CPNE9: variants seen among roughly 807,000 people sequenced by gnomAD.
CPNE9 encodes copine-9.
Under a neutral mutation model 83.0 loss-of-function variants are expected in CPNE9, and 59 were observed. That is an observed-to-expected ratio of 0.71 (90% CI 0.58 to 0.88). The LOEUF (loss-of-function observed/expected upper bound fraction) is 0.88. CPNE9 is among the 40% of genes least tolerant of loss of function. The pLI is 0.00. For missense variants in CPNE9, 619 were observed against 720.8 expected (o/e 0.86, Z 1.62); for synonymous variants, 256 against 273.4 (o/e 0.94, Z 0.63).
At chr3:9,726,995 A>G (rs916893898) in intron 19 of CPNE9, 118 bp from the exon 20 acceptor site, 1 of 1,046,414 alleles carries the variant, frequency 9.6e-7, no homozygotes, top group Non-Finnish European at 1.5e-6. Context: ...TATTTGTAGG[A>G]CTTGATCACA....
intron 20 of CPNE9, 45 bp from the exon 21 acceptor site, chr3:9,729,462 C>T: frequency 1.3e-6 from 2 of 1,560,204 alleles, no homozygotes; most frequent in South Asian, 2.3e-5. Context: ...CCCATGCCCT[C>T]TCTCCTGGTC....
intron 18 of CPNE9, among the ~76,000 whole-genome samples, chr3:9,726,415 G>T (rs1001975042): frequency 6.6e-6 from 1 of 152,122 alleles, no homozygotes; most frequent in Non-Finnish European, 1.5e-5. Context: ...TCTCCAGGGA[G>T]ACCTTTTTTT....
rs2076553329 is a variant in CPNE9 at position 9,705,444 on chromosome 3, C to CCCCG, written c.261-20_261-19insCCCG. 2 of 1,514,178 alleles carry CCCCG rather than the reference C, an allele frequency of 1.3e-6. No homozygotes were observed. Among genetic ancestry groups the CCCCG allele is most frequent in the African/African-American group, 1.4e-5 (1 of 72,114 alleles). 93.8% of individuals were successfully genotyped at this position (1,514,178 alleles called of 1,614,324 possible). A position where few individuals can be genotyped will look rare whatever the true frequency, so the allele number is the denominator to read the frequency against. ...TCCCCCACCCAGCCCCACCCCACAC[C>CCCCG]GGTTCCACTCTTTTCCCAGGTACAA... On this transcript the variant is annotated intron_variant, in intron 4 of 20. Transcript: ENST00000383832.
rs1489126457 is a variant in CPNE9, at chr3:9,712,521, G to A, written c.378-20G>A. The stretch of plus-strand genomic sequence containing the variant: ...TGCCTACCCTCCCTCCTCTCACTAA[G>A]AGGCTTTTTCTGCTTCCAGGGGTGT... On this transcript the variant is annotated intron_variant, in intron 7 of 20. Transcript: ENST00000383832. 17 of 1,611,670 alleles carry A rather than the reference G, an allele frequency of 1.1e-5. No homozygotes were observed. In the Admixed American group the frequency reaches 2.0e-4, roughly 19 times the overall value.
intron 14 of CPNE9, among the ~76,000 whole-genome samples, chr3:9,716,423 A>G (rs1277076881): frequency 6.6e-6 from 1 of 152,066 alleles, no homozygotes; most frequent in Non-Finnish European, 1.5e-5. Context: ...CAGACCTGGG[A>G]AAGGTAACTT....
chr3:9,707,502 C>G (rs2076576309), intron 7 of CPNE9, among the ~76,000 whole-genome samples: 1 of 151,578 alleles, frequency 6.6e-6, no homozygotes, highest in Non-Finnish European at 1.5e-5. Flanking sequence ...AAAGGTGGAG[C>G]TAACAGGTTC....
chr3:9,725,686 A>ATATGTGTATATATG (rs767348050), intron 17 of CPNE9, among the ~76,000 whole-genome samples: 12 of 132,906 alleles, frequency 9.0e-5, no homozygotes, highest in South Asian at 4.7e-4. Flanking sequence ...GTATATATAT[A>ATATGTGTATATATG]TACATATATG....
At chr3:9,710,781 T>C (rs1311931712) in intron 7 of CPNE9, among the ~76,000 whole-genome samples, 1 of 152,080 alleles carries the variant, frequency 6.6e-6, no homozygotes, top group African/African-American at 2.4e-5. Flanking sequence ...TCAAAGCACT[T>C]TGGGAGGCTG....
intron 5 of CPNE9, 95 bp downstream of exon 5, chr3:9,705,595 AC>A (rs2076555926): frequency 1.3e-6 from 2 of 1,560,126 alleles, no homozygotes; most frequent in Admixed American, 3.3e-5. Flanking sequence ...CTCGACCCAG[AC>A]CCCATCTTCT....
At chr3:9,725,686 A>ATATATATGTGTATATATG (rs767348050) in intron 17 of CPNE9, among the ~76,000 whole-genome samples, 1 of 132,920 alleles carries the variant, frequency 7.5e-6, no homozygotes, top group Non-Finnish European at 1.7e-5. Flanking sequence ...GTATATATAT[A>ATATATATGTGTATATATG]TACATATATG....
chr3:9,708,837 T>G (rs2076590140), intron 7 of CPNE9, among the ~76,000 whole-genome samples: 1 of 151,764 alleles, frequency 6.6e-6, no homozygotes, highest in South Asian at 2.1e-4. Flanking sequence ...GGTTTCACCG[T>G]GTTAGCCAGG....
chr3:9,704,130 C>A lies in CPNE9; in HGVS notation c.68+66C>A, dbSNP rs2076534008. ...GCCCCAGCCCCAGCCAGCCGCGGGG[C>A]TCAGCCTGGGCAGGGGCTAGACCCC... On this transcript the variant is annotated intron_variant, in intron 1 of 20. Transcript: ENST00000383832. The surrounding 1 kb of genome is among the most constrained non-coding windows in gnomAD (Gnocchi z 7.1). The A allele has an allele frequency of 6.7e-7, 1 of 1,495,922 alleles. No individual in the cohort carries two copies. The highest frequency in any genetic ancestry group is 9.1e-7 in the Non-Finnish European group (1 of 1,096,334). The allele number at this position is 1,495,922 out of a possible 1,614,324, so 92.7% of individuals were successfully genotyped here.
At position 9,715,300 on chromosome 3, in the gene CPNE9, T is replaced by C. The variant is rs750074640; in HGVS notation, c.704T>C (p.Ile235Thr). 3.2e-5 allele frequency: 52 copies of C among 1,614,100 alleles called. No individual in the cohort carries two copies. The Admixed American group carries it at 5.2e-4, about 16-fold the overall frequency. ...CCACCTCATTGCAGCCACGATTTCA[T>C]TGGTGAGTTCACCACCAGCTACCGG... Reference protein sequence around the residue: ...DWDRDGSHDFIGEFTTSYREL... With the variant: ...DWDRDGSHDFTGEFTTSYREL... Residue 235 changes from isoleucine to threonine, a missense_variant, in exon 12 of 21, where the codon ATT (isoleucine) becomes ACT (threonine). Physicochemically the swap from Ile to Thr is moderately conservative, Grantham distance 89. Transcript: ENST00000383832.
At chr3:9,705,683 T>A in intron 5 of CPNE9, 35 bp from the exon 6 acceptor site, 1 of 1,613,750 alleles carries the variant, frequency 6.2e-7, no homozygotes, top group Non-Finnish European at 8.5e-7. Context: ...TCACTGTTCC[T>A]CTTCCTTCTT....
chr3:9,715,595 C>A, intron 13 of CPNE9, 69 bp downstream of exon 13: 2 of 1,356,062 alleles, frequency 1.5e-6, no homozygotes, highest in Non-Finnish European at 2.1e-6. Context: ...CACAGCATGG[C>A]AAATATCGAG....
At chr3:9,722,162 C>G (rs887929036) in intron 17 of CPNE9, among the ~76,000 whole-genome samples, 3 of 151,002 alleles carry the variant, frequency 2.0e-5, no homozygotes, top group South Asian at 2.1e-4. Context: ...GGTGATCCAC[C>G]CCCCCCCGCC....
In CPNE9 at chr3:9,729,878, C is replaced by A; in HGVS notation, c.*186C>A. 2 of 727,914 alleles carry A rather than the reference C, an allele frequency of 2.7e-6. No homozygotes were observed. Among genetic ancestry groups the A allele is most frequent in the East Asian group, 2.8e-5 (1 of 35,748 alleles). The allele number at this position is 727,914 out of a possible 1,614,324, so 45.1% of individuals were successfully genotyped here. The stretch of plus-strand genomic sequence containing the variant: ...GGCACTATCACCACCTCTCTGCCTT[C>A]ATGCCAATAATAAAGCTGATCTTTA... On this transcript the variant is annotated 3_prime_UTR_variant, in exon 21 of 21. Transcript: ENST00000383832.
chr3:9,725,680 A>ATG (rs2076775901), intron 17 of CPNE9, among the ~76,000 whole-genome samples: 1 of 73,540 alleles, frequency 1.4e-5, no homozygotes, highest in Admixed American at 1.3e-4. Context: ...ATATGTGTAT[A>ATG]TATATATACA....
intron 17 of CPNE9, among the ~76,000 whole-genome samples, chr3:9,721,215 C>A (rs1246227156): frequency 6.6e-6 from 1 of 152,208 alleles, no homozygotes; most frequent in East Asian, 1.9e-4. Context: ...TAAATCATTA[C>A]CTTCTGTAGA....
Sources: gnomAD v4.1 joint callset for allele counts (sites outside exome capture counted in the v4.1 genomes callset) on GRCh38, gnomAD v4.1.1 for gene constraint, Gnocchi (gnomAD v3.1) non-coding constraint, MANE v1.5 for transcripts, NCBI Gene and HGNC (gene_info 2026-07-23, HGNC 2026-07-21) for gene names.